The following PLEKHH1 variants were observed in gnomAD, a reference collection of about 807,000 sequenced individuals.
PLEKHH1 encodes pleckstrin homology, MyTH4 and FERM domain containing H1.
In PLEKHH1, 104 loss-of-function variants were observed where a neutral mutation model predicts 160.0. That is an observed-to-expected ratio of 0.65 (90% CI 0.55 to 0.76). The LOEUF is 0.76. Among genes scored for constraint, PLEKHH1 ranks in the 30% least tolerant of loss-of-function variants. PLEKHH1 has a pLI of 0.00. For missense variants in PLEKHH1, 1,427 were observed against 1,724.1 expected, an observed-to-expected ratio of 0.83 and a Z score of 3.05; for synonymous variants, 619 against 678.4, an observed-to-expected ratio of 0.91 and a Z score of 1.36.
Position 67,572,186 on chromosome 14 carries a change from A to G in PLEKHH1, c.1637A>G (p.Asp546Gly). 1 of 1,608,240 alleles carries G rather than the reference A, an allele frequency of 6.2e-7. No homozygotes were observed. Among genetic ancestry groups the G allele is most frequent in the Non-Finnish European group, 8.5e-7 (1 of 1,177,596 alleles). The change falls in exon 11 of 29, where the codon GAC (aspartate) becomes GGC (glycine). Residue 546 changes from aspartate to glycine, a missense_variant. Physicochemically the swap from Asp to Gly is moderately conservative, Grantham distance 94 (BLOSUM62 -1). Transcript: ENST00000329153. ...GAGGGTGACTACGCCATCCCCCCGG[A>G]CGCCTGCTCACTGGACAGTGACTAC... is the stretch of plus-strand genomic sequence containing the variant. ...SSEGDYAIPP[D>G]ACSLDSDYSE...
chr14:67,555,833 G>A lies in PLEKHH1; in HGVS notation c.135G>A (p.Glu45=), dbSNP rs1297184876. 6 of 1,613,256 alleles carry A rather than the reference G, an allele frequency of 3.7e-6. No homozygotes were observed. The highest frequency in any genetic ancestry group is 3.3e-5 in the South Asian group (3 of 90,998). ...TCTCTCTGGCCAAGCAGATGCAGGA[G>A]CTGGAGCAGAGGCTGCTGGAGGCAG... ...IRELLADKMQ[E]LEQRLLEAEQ... Residue 45 remains glutamate, a synonymous_variant, in exon 3 of 29, where the codon GAG becomes GAA. Transcript: ENST00000329153.
In PLEKHH1 at chr14:67,562,848, T is replaced by C; in HGVS notation, c.1217T>C (p.Leu406Pro). Residue 406 changes from leucine to proline, a missense_variant, in exon 7 of 29, where the codon CTG becomes CCG. By Grantham distance (98) the Leu-to-Pro change is moderately conservative. Transcript: ENST00000329153. ...ALGAELEEVELGNKPPTPPLH... is the reference protein window; with the variant it reads ...ALGAELEEVEPGNKPPTPPLH... ...GGAGCTGAGCTGGAGGAAGTGGAGC[T>C]GGGTAACAAGCCACCTACACCCCCG... The C allele has an allele frequency of 6.2e-7, 1 of 1,613,578 alleles. No homozygotes were observed. Among genetic ancestry groups the C allele is most frequent in the Non-Finnish European group, 8.5e-7 (1 of 1,179,798 alleles).
rs937131545 is a variant in PLEKHH1, at chr14:67,552,892, G to C, written c.127-2933G>C. Among the ~76,000 whole-genome samples, 32 of 152,278 alleles carry C rather than the reference G, an allele frequency of 2.1e-4. 1 individual carries two copies. The highest frequency in any genetic ancestry group is 1.9e-3 in the Admixed American group (29 of 15,296). ...CAGGGGAGACCCCAGGCTCTGAAAA[G>C]TGCCTTGCCATTCAATCTACTTCAG... On this transcript the variant is annotated intron_variant, in intron 2 of 28. Transcript: ENST00000329153.
At chr14:67,577,146 C>T (rs1272148088) in intron 17 of PLEKHH1, among the ~76,000 whole-genome samples, 156 bp from the exon 18 acceptor site, 1 of 152,214 alleles carries the variant, frequency 6.6e-6, no homozygotes, top group African/African-American at 2.4e-5. Flanking sequence ...CCCACCTGTA[C>T]ACCCCACACT....
At chr14:67,556,164 A>G (rs1594757816) in intron 3 of PLEKHH1, among the ~76,000 whole-genome samples, 1 of 152,134 alleles carries the variant, frequency 6.6e-6, no homozygotes, top group Non-Finnish European at 1.5e-5. Flanking sequence ...CACTCGTGGA[A>G]CCTGTCCATT....
chr14:67,554,640 C>T (rs1221395663), intron 2 of PLEKHH1, among the ~76,000 whole-genome samples: 2 of 152,198 alleles, frequency 1.3e-5, no homozygotes, highest in African/African-American at 2.4e-5. Context: ...GGGCAGCACA[C>T]GGTGGTGCCC....
intron 2 of PLEKHH1, among the ~76,000 whole-genome samples, chr14:67,555,624 T>C (rs1375568193): frequency 6.6e-6 from 1 of 152,208 alleles, no homozygotes; most frequent in Non-Finnish European, 1.5e-5. Context: ...CCACGGGCTC[T>C]TCACCTGCCC....
intron 5 of PLEKHH1, among the ~76,000 whole-genome samples, chr14:67,560,644 G>C (rs2034793960): frequency 6.6e-6 from 1 of 151,628 alleles, no homozygotes; most frequent in African/African-American, 2.4e-5. Context: ...TGAAGCTACA[G>C]TGCTATCACC....
At chr14:67,553,624 A>G (rs1198712959) in intron 2 of PLEKHH1, among the ~76,000 whole-genome samples, 3 of 152,340 alleles carry the variant, frequency 2.0e-5, no homozygotes, top group African/African-American at 7.2e-5. Context: ...TGCAGTACCA[A>G]CACTGGGGGC....
intron 28 of PLEKHH1, chr14:67,586,784 TAAG>T: frequency 1.5e-6 from 2 of 1,369,040 alleles, no homozygotes; most frequent in African/African-American, 1.5e-5. Context: ...ATCCCTTTCT[TAAG>T]AAGGCCCCTT....
chr14:67,543,781 C>A (rs1366604401), intron 2 of PLEKHH1, among the ~76,000 whole-genome samples: 3 of 148,854 alleles, frequency 2.0e-5, no homozygotes, highest in African/African-American at 5.0e-5. Flanking sequence ...AACAAAATAA[C>A]AAAAAAAAAA....
intron 1 of PLEKHH1, among the ~76,000 whole-genome samples, chr14:67,534,249 C>T (rs2033604025): frequency 6.6e-6 from 1 of 151,956 alleles, no homozygotes; most frequent in Non-Finnish European, 1.5e-5. Context: ...TATTATTGGC[C>T]CCATTTTTCC....
intron 1 of PLEKHH1, among the ~76,000 whole-genome samples, chr14:67,541,249 C>T (rs1219732892): frequency 6.6e-6 from 1 of 152,140 alleles, no homozygotes; most frequent in East Asian, 1.9e-4. Flanking sequence ...AACTGGGAAC[C>T]GGGGTTCTGC....
At chr14:67,575,714 A>G (rs911427033) in intron 15 of PLEKHH1, 109 bp from the exon 16 acceptor site, 2 of 835,542 alleles carry the variant, frequency 2.4e-6, no homozygotes, top group Non-Finnish European at 3.8e-6. Context: ...CCATCCTGTC[A>G]TCGGTCCATA....
intron 7 of PLEKHH1, among the ~76,000 whole-genome samples, chr14:67,563,931 T>G (rs1453882888): frequency 6.7e-6 from 1 of 149,500 alleles, no homozygotes; most frequent in Non-Finnish European, 1.5e-5. Context: ...AGACAGAGTC[T>G]TGCTCTGTTG....
chr14:67,549,427 C>T (rs1310387092), intron 2 of PLEKHH1, among the ~76,000 whole-genome samples: 2 of 152,002 alleles, frequency 1.3e-5, no homozygotes, highest in African/African-American at 2.4e-5. Context: ...CATGCCACCA[C>T]GCCCAGCTAA....
chr14:67,575,717 G>C, intron 15 of PLEKHH1, 106 bp from the exon 16 acceptor site: 1 of 850,288 alleles, frequency 1.2e-6, no homozygotes. Context: ...TCCTGTCATC[G>C]GTCCATATCC....
At chr14:67,563,022 G>A in intron 7 of PLEKHH1, 128 bp downstream of exon 7, 1 of 909,156 alleles carries the variant, frequency 1.1e-6, no homozygotes, top group Non-Finnish European at 1.6e-6. Flanking sequence ...TGGCAGGCAG[G>A]TACCATGGAG....
At chr14:67,561,773 G>C (rs565770418) in intron 5 of PLEKHH1, among the ~76,000 whole-genome samples, 181 bp from the exon 6 acceptor site, 1 of 151,902 alleles carries the variant, frequency 6.6e-6, no homozygotes, top group Non-Finnish European at 1.5e-5. Context: ...AGGAGGCTGA[G>C]GTGGGAGGAT....
Sources: allele counts gnomAD v4.1 joint callset (sites outside exome capture counted in the v4.1 genomes callset), GRCh38; gene constraint gnomAD v4.1.1; transcripts MANE v1.5; gene names NCBI Gene and HGNC (gene_info 2026-07-23, HGNC 2026-07-21).